The following DOCK3 variants were observed in gnomAD, a reference collection of about 807,000 sequenced individuals.
The protein encoded by DOCK3 is dedicator of cytokinesis protein 3.
A neutral mutation model predicts 265.6 loss-of-function variants in DOCK3; 60 were observed. That is an observed-to-expected ratio of 0.23 (90% CI 0.18 to 0.28). The LOEUF (loss-of-function observed/expected upper bound fraction) is 0.28, where lower values mean the gene tolerates loss of function less well. Among genes scored for constraint, DOCK3 ranks in the 10% least tolerant of loss-of-function variants. DOCK3 has a pLI of 1.00. For missense variants in DOCK3, 1,981 were observed against 2,594.3 expected, an observed-to-expected ratio of 0.76 and a Z score of 5.14; for synonymous variants, 881 against 938.0, an observed-to-expected ratio of 0.94 and a Z score of 1.11.
intron 2 of DOCK3, among the ~76,000 whole-genome samples, chr3:50,788,948 A>G (rs775282185): frequency 4.6e-5 from 7 of 150,884 alleles, no homozygotes; most frequent in South Asian, 2.1e-4. Flanking sequence ...TATCTTTTGT[A>G]TTGTTTCTTT....
At chr3:51,026,689 A>G (rs533185132) in intron 5 of DOCK3, among the ~76,000 whole-genome samples, 3 of 151,870 alleles carry the variant, frequency 2.0e-5, no homozygotes, top group East Asian at 1.9e-4. Flanking sequence ...CATGGTTTCA[A>G]TTTCTTCCTG....
chr3:51,333,387 A>C, intron 35 of DOCK3, 134 bp downstream of exon 35: 5 of 891,914 alleles, frequency 5.6e-6, no homozygotes, highest in Non-Finnish European at 9.0e-6. Context: ...TGCCATCACC[A>C]GTCAATAGGA....
At chr3:51,345,367 T>C (rs2085493159) in intron 38 of DOCK3, among the ~76,000 whole-genome samples, 1 of 152,152 alleles carries the variant, frequency 6.6e-6, no homozygotes. Flanking sequence ...GTCAACACTT[T>C]TGAGAGGCCA....
intron 9 of DOCK3, among the ~76,000 whole-genome samples, chr3:51,116,446 A>C (rs1251268564): frequency 1.1e-5 from 1 of 86,970 alleles, no homozygotes; most frequent in Non-Finnish European, 2.1e-5. Context: ...GTGAGACTCC[A>C]TCTCAAAAAA....
chr3:50,945,957 T>C (rs765769590), intron 5 of DOCK3, among the ~76,000 whole-genome samples: 1 of 152,050 alleles, frequency 6.6e-6, no homozygotes, highest in Admixed American at 6.5e-5. Flanking sequence ...GCCAGTGTAG[T>C]GGCTCATTTC....
At chr3:50,770,268 T>C (rs1290767818) in intron 1 of DOCK3, among the ~76,000 whole-genome samples, 5 of 152,090 alleles carry the variant, frequency 3.3e-5, no homozygotes, top group Non-Finnish European at 7.4e-5. Context: ...GTATACAAAA[T>C]CAACATACAA....
chr3:51,260,138 T>G lies in DOCK3; in HGVS notation c.2185-18T>G. The G allele has an allele frequency of 6.2e-7, 1 of 1,606,838 alleles. No individual in the cohort carries two copies. Among genetic ancestry groups the G allele is most frequent in the Non-Finnish European group, 8.5e-7 (1 of 1,175,476 alleles). On this transcript the variant is annotated intron_variant, in intron 22 of 52. Coordinates refer to ENST00000266037, the MANE Select transcript of DOCK3 (RefSeq NM_004947.5). ...ATCTTCAACATCTCTCCATCACTTTTTCTCCCACACTTTTCAGGCCTTGGA... is the reference window on the plus strand; with the variant it reads ...ATCTTCAACATCTCTCCATCACTTTGTCTCCCACACTTTTCAGGCCTTGGA...
intron 32 of DOCK3, among the ~76,000 whole-genome samples, chr3:51,326,114 T>C (rs2084092900): frequency 1.3e-5 from 2 of 151,876 alleles, no homozygotes. Context: ...GTTTGTAATA[T>C]CCCTTTTTTG....
At chr3:50,746,214 A>G (rs1361602805) in intron 1 of DOCK3, among the ~76,000 whole-genome samples, 5 of 151,492 alleles carry the variant, frequency 3.3e-5, no homozygotes, top group Admixed American at 2.6e-4. Flanking sequence ...GGTTCAAGCA[A>G]TTCTGTCTCA....
At chr3:51,299,394 T>C (rs1440620958) in intron 27 of DOCK3, among the ~76,000 whole-genome samples, 1 of 152,218 alleles carries the variant, frequency 6.6e-6, no homozygotes, top group Admixed American at 6.5e-5. Context: ...TTAGTTTCTT[T>C]TGCTGTGCAG....
intron 2 of DOCK3, among the ~76,000 whole-genome samples, chr3:50,790,576 G>T (rs1337367677): frequency 2.7e-5 from 4 of 150,640 alleles, no homozygotes; most frequent in Non-Finnish European, 4.4e-5. Flanking sequence ...CATTTACGAA[G>T]CTTAGTTTTG....
intron 5 of DOCK3, among the ~76,000 whole-genome samples, chr3:51,060,475 T>C (rs945884038): frequency 2.6e-5 from 4 of 152,208 alleles, no homozygotes; most frequent in African/African-American, 9.6e-5. Flanking sequence ...TGCCCATGCC[T>C]GTGTCCTGAA....
chr3:50,738,578 C>G (rs2038798064), intron 1 of DOCK3, among the ~76,000 whole-genome samples: 1 of 152,164 alleles, frequency 6.6e-6, no homozygotes, highest in Non-Finnish European at 1.5e-5. Context: ...AGGGAAATTT[C>G]TGTGCTTGTG....
chr3:51,354,575 GT>G (rs1251878308), intron 40 of DOCK3, among the ~76,000 whole-genome samples: 1 of 152,130 alleles, frequency 6.6e-6, no homozygotes, highest in Admixed American at 6.6e-5. Flanking sequence ...CTTTCAGGAC[GT>G]TTTTTTAACA....
chr3:51,091,637 G>A (rs1273799066), intron 9 of DOCK3, among the ~76,000 whole-genome samples: 1 of 150,370 alleles, frequency 6.7e-6, no homozygotes, highest in East Asian at 2.0e-4. Flanking sequence ...GAGCCGGGAT[G>A]GTGCCACTGC....
At chr3:50,891,623 C>G (rs1267871002) in intron 4 of DOCK3, among the ~76,000 whole-genome samples, 1 of 150,454 alleles carries the variant, frequency 6.6e-6, no homozygotes, top group Non-Finnish European at 1.5e-5. Context: ...GTGCTAAAAA[C>G]ATTTTCTGAA....
At chr3:50,764,215 A>ATACAATAATAT (rs2040715349) in intron 1 of DOCK3, among the ~76,000 whole-genome samples, 1 of 152,180 alleles carries the variant, frequency 6.6e-6, no homozygotes, top group Non-Finnish European at 1.5e-5. Flanking sequence ...CTTTTAGCAC[A>ATACAATAATAT]GATTTCATAT....
At chr3:50,698,261 G>T (rs973897051) in intron 1 of DOCK3, among the ~76,000 whole-genome samples, 4 of 151,822 alleles carry the variant, frequency 2.6e-5, no homozygotes, top group African/African-American at 7.3e-5. Flanking sequence ...TCATATAAAT[G>T]GAATCATGTA....
intron 25 of DOCK3, among the ~76,000 whole-genome samples, 152 bp downstream of exon 25, chr3:51,275,358 T>A (rs528027714): frequency 2.6e-4 from 40 of 152,330 alleles, no homozygotes; most frequent in Non-Finnish European, 5.1e-4. Flanking sequence ...AATGGAGCCC[T>A]GTGTGTTCCC....
Sources: allele counts gnomAD v4.1 joint callset (sites outside exome capture counted in the v4.1 genomes callset), GRCh38; gene constraint gnomAD v4.1.1; transcripts MANE v1.5; gene names NCBI Gene and HGNC (gene_info 2026-07-23, HGNC 2026-07-21).